The following WDR76 variants were observed in gnomAD, a reference collection of about 807,000 sequenced individuals.
The protein encoded by WDR76 is WD repeat-containing protein 76.
In WDR76, 52 loss-of-function variants were observed where a neutral mutation model predicts 70.2. The ratio of observed to expected loss-of-function variants is 0.74; its 90% CI spans 0.59 to 0.93. WDR76 has a LOEUF of 0.93. WDR76 is among the 40% of genes least tolerant of loss of function. WDR76 has a pLI of 0.00. For missense variants in WDR76, 756 were observed against 760.2 expected (o/e 0.99, Z 0.07); for synonymous variants, 292 against 271.1 (o/e 1.08, Z -0.76).
chr15:43,850,256 A>G (rs1471273846), intron 8 of WDR76, among the ~76,000 whole-genome samples: 1 of 150,946 alleles, frequency 6.6e-6, no homozygotes, highest in Non-Finnish European at 1.5e-5. Context: ...ATGCATTTTT[A>G]TGGTGTTATT....
In WDR76 at chr15:43,866,294, G is replaced by C. The variant is rs777400816; in HGVS notation, c.1783G>C (p.Val595Leu). ...HSFGGEYLVS[V>L]CSINAMHPTR... ...GTTTGGTGGAGAATACCTTGTCTCT[G>C]TGTGTTCCATCAATGCCATGCACCC... Residue 595 changes from valine (V) to leucine (L), a missense_variant, in exon 13 of 13, where the codon GTG becomes CTG. Coordinates refer to ENST00000263795, the MANE Select transcript of WDR76 (RefSeq NM_024908.4). 110 of 1,614,012 alleles carry C rather than the reference G, an allele frequency of 6.8e-5. No homozygotes were observed. The highest frequency in any genetic ancestry group is 8.3e-5 in the Admixed American group (5 of 59,996).
intron 2 of WDR76, among the ~76,000 whole-genome samples, 162 bp downstream of exon 2, chr15:43,828,528 C>T (rs1216148882): frequency 6.6e-6 from 1 of 152,182 alleles, no homozygotes; most frequent in African/African-American, 2.4e-5. Context: ...TAAGGTTTAA[C>T]AAATAACTTC....
At chr15:43,852,103 C>G (rs2087866625) in intron 9 of WDR76, among the ~76,000 whole-genome samples, 1 of 152,184 alleles carries the variant, frequency 6.6e-6, no homozygotes, top group Non-Finnish European at 1.5e-5. Context: ...TTAAAACAAA[C>G]ATATCATTTG....
chr15:43,866,122 C>T lies in WDR76; in HGVS notation c.1617-6C>T, dbSNP rs2088066872. ...CATTTAAAAAATATATTGTTTTCCT[C>T]ACTAGGCACAACACTTTCACTGGGC... On this transcript the variant is annotated splice_region_variant and splice_polypyrimidine_tract_variant and intron_variant, in intron 12 of 12. Transcript: ENST00000263795. 7 of 1,613,548 alleles carry T rather than the reference C, an allele frequency of 4.3e-6. No individual in the cohort carries two copies. Among genetic ancestry groups the T allele is most frequent in the Non-Finnish European group, 5.9e-6 (7 of 1,179,522 alleles).
chr15:43,864,936 A>AT (rs1276530452), intron 12 of WDR76, among the ~76,000 whole-genome samples: 1 of 150,844 alleles, frequency 6.6e-6, no homozygotes, highest in Non-Finnish European at 1.5e-5. Context: ...TTTAATTTTA[A>AT]TTTTTTGAAA....
intron 4 of WDR76, among the ~76,000 whole-genome samples, chr15:43,837,907 G>A (rs1187186436): frequency 2.1e-5 from 3 of 140,744 alleles, no homozygotes; most frequent in Non-Finnish European, 4.5e-5. Flanking sequence ...ATGGAGTCTC[G>A]CTCTGTTGCC....
Position 43,842,686 on chromosome 15 carries a change from C to T in WDR76, c.878+15C>T, listed in dbSNP as rs2087740639. 1 of 1,601,996 alleles carries T rather than the reference C, an allele frequency of 6.2e-7. No individual in the cohort carries two copies. The highest frequency in any genetic ancestry group is 1.1e-5 in the South Asian group (1 of 89,054). ...AGCATTAAAAGGTAAGTTGAAATTC[C>T]TTGTGTTTCTTTTATATTTTTTGAG... On this transcript the variant is annotated intron_variant, in intron 7 of 12. Transcript: ENST00000263795.
At chr15:43,829,162 A>G (rs2087556124) in intron 2 of WDR76, among the ~76,000 whole-genome samples, 1 of 151,900 alleles carries the variant, frequency 6.6e-6, no homozygotes, top group African/African-American at 2.4e-5. Flanking sequence ...AGCCTCCCAA[A>G]GTGCTGGGAT....
At chr15:43,835,804 G>T (rs915764016) in intron 3 of WDR76, among the ~76,000 whole-genome samples, 1 of 151,564 alleles carries the variant, frequency 6.6e-6, no homozygotes, top group African/African-American at 2.4e-5. Context: ...GATTACAGGC[G>T]CCCGCCACCA....
intron 2 of WDR76, among the ~76,000 whole-genome samples, chr15:43,829,758 G>A (rs1382405947): frequency 5.3e-5 from 8 of 151,278 alleles, no homozygotes; most frequent in Admixed American, 4.0e-4. Flanking sequence ...CGCCCGCCTC[G>A]GCCTCCCAAA....
At chr15:43,844,145 T>C (rs2087758467) in intron 8 of WDR76, 91 bp downstream of exon 8, 1 of 1,202,926 alleles carries the variant, frequency 8.3e-7, no homozygotes, top group Non-Finnish European at 1.1e-6. Context: ...TTATAAATGT[T>C]GCGTGAGACT....
At chr15:43,852,335 C>T (rs1230716109) in intron 9 of WDR76, among the ~76,000 whole-genome samples, 1 of 151,856 alleles carries the variant, frequency 6.6e-6, no homozygotes. Context: ...AGGCACCCAT[C>T]ATCACGCCCG....
At chr15:43,828,778 G>A (rs1392152333) in intron 2 of WDR76, among the ~76,000 whole-genome samples, 1 of 152,096 alleles carries the variant, frequency 6.6e-6, no homozygotes, top group South Asian at 2.1e-4. Flanking sequence ...TGATTCTATG[G>A]TTGTGTTGAA....
intron 9 of WDR76, 40 bp from the exon 10 acceptor site, chr15:43,856,906 G>T: frequency 6.4e-7 from 1 of 1,551,340 alleles, no homozygotes; most frequent in East Asian, 2.3e-5. Flanking sequence ...TTCTTTACAA[G>T]AAGAGTGTGA....
At chr15:43,854,783 T>C (rs1380508054) in intron 9 of WDR76, among the ~76,000 whole-genome samples, 1 of 151,712 alleles carries the variant, frequency 6.6e-6, no homozygotes, top group African/African-American at 2.4e-5. Flanking sequence ...ACCCCATCTC[T>C]ACTAAAAACA....
At chr15:43,852,791 C>G (rs1007022033) in intron 9 of WDR76, among the ~76,000 whole-genome samples, 1 of 152,212 alleles carries the variant, frequency 6.6e-6, no homozygotes, top group African/African-American at 2.4e-5. Flanking sequence ...ATCAGTACTT[C>G]ATTCCTTTTT....
At chr15:43,854,756 C>T (rs573037934) in intron 9 of WDR76, among the ~76,000 whole-genome samples, 1 of 151,996 alleles carries the variant, frequency 6.6e-6, no homozygotes, top group African/African-American at 2.4e-5. Context: ...CGAGACCAGC[C>T]TGGCCAACAT....
At chr15:43,839,874 T>C in intron 5 of WDR76, 146 bp downstream of exon 5, 2 of 1,106,006 alleles carry the variant, frequency 1.8e-6, no homozygotes, top group Non-Finnish European at 1.2e-6. Flanking sequence ...TTTTGTTTTT[T>C]TGAGATGGAG....
chr15:43,850,683 A>G (rs2087847034), intron 8 of WDR76, among the ~76,000 whole-genome samples: 1 of 152,204 alleles, frequency 6.6e-6, no homozygotes, highest in South Asian at 2.1e-4. Flanking sequence ...TACACTGAGA[A>G]TGAGTAAGTT....
Sources: allele counts gnomAD v4.1 joint callset (sites outside exome capture counted in the v4.1 genomes callset), GRCh38; gene constraint gnomAD v4.1.1; transcripts MANE v1.5; gene names NCBI Gene and HGNC (gene_info 2026-07-23, HGNC 2026-07-21).